The following FASTKD1 variants were observed in gnomAD, a reference collection of about 807,000 sequenced individuals.
FASTKD1 encodes the protein FAST kinase domains 1.
In FASTKD1, 94 loss-of-function variants were observed where a neutral mutation model predicts 90.9. The ratio of observed to expected loss-of-function variants is 1.03; its 90% confidence interval spans 0.88 to 1.23. The LOEUF is 1.23. Among genes scored for constraint, FASTKD1 ranks in the 50% most tolerant of loss-of-function variants. The probability of loss-of-function intolerance (pLI) is 0.00; values close to 1 mark genes in which losing one functional copy is unlikely to be tolerated. For missense variants in FASTKD1, 945 were observed against 993.5 expected, an observed-to-expected ratio of 0.95 and a Z score of 0.66; for synonymous variants, 319 against 345.8, an observed-to-expected ratio of 0.92 and a Z score of 0.86.
At chr2:169,562,581 T>C (rs537415734) in intron 4 of FASTKD1, among the ~76,000 whole-genome samples, 44 of 152,250 alleles carry the variant, frequency 2.9e-4, no homozygotes, top group Non-Finnish European at 5.1e-4. Context: ...CTTCATGATA[T>C]AATAATAATA....
At chr2:169,538,614 T>C (rs1684831553) in intron 10 of FASTKD1, among the ~76,000 whole-genome samples, 1 of 151,142 alleles carries the variant, frequency 6.6e-6, no homozygotes, top group African/African-American at 2.4e-5. Context: ...AGGTGGGGTT[T>C]TGGGTAACCA....
chr2:169,562,582 A>C (rs1413162948), intron 4 of FASTKD1, among the ~76,000 whole-genome samples: 1 of 152,108 alleles, frequency 6.6e-6, no homozygotes, highest in East Asian at 1.9e-4. Context: ...TTCATGATAT[A>C]ATAATAATAC....
At chr2:169,564,503 G>A (rs539141244) in intron 3 of FASTKD1, among the ~76,000 whole-genome samples, 1 of 152,098 alleles carries the variant, frequency 6.6e-6, no homozygotes, top group Non-Finnish European at 1.5e-5. Flanking sequence ...ATACAAGCAT[G>A]CAACGCAAAA....
chr2:169,560,933 T>G (rs1683567711), intron 4 of FASTKD1, 148 bp from the exon 5 acceptor site: 1 of 495,828 alleles, frequency 2.0e-6, no homozygotes, highest in East Asian at 4.1e-5. Flanking sequence ...TCCTCCCACC[T>G]CAGCCTCCCA....
chr2:169,531,486 A>G lies in FASTKD1; in HGVS notation c.2193T>C (p.Phe731=), dbSNP rs779196382. 6.2e-7 allele frequency: 1 copy of G among 1,602,098 alleles called. No homozygotes were observed. Among genetic ancestry groups the G allele is most frequent in the Admixed American group, 1.7e-5 (1 of 57,612 alleles). The change falls in exon 13 of 15, where the codon TTT becomes TTC. Residue 731 remains phenylalanine, a synonymous_variant. Transcript: ENST00000453153. ...VLTPYYHKVD[F]ECILDKRKKP... ...TTTTTCTTTTATCCAAGATACACTC[A>G]AAATCTTAAGGAAGCATAGAAACTG...
chr2:169,529,834 T>C lies in FASTKD1; in HGVS notation c.2535A>G (p.Ser845=). 6.2e-7 allele frequency: 1 copy of C among 1,608,180 alleles called. No individual in the cohort carries two copies. The change falls in exon 15 of 15, where the codon TCA becomes TCG. Residue 845 remains serine, a synonymous_variant. Coordinates refer to ENST00000453153, the MANE Select transcript of FASTKD1 (RefSeq NM_024622.6). ...LRECIFGEVK[S]CL Reference sequence around the variant, plus strand: ...TCATTTTAAATAAAAACTACAAACATGACTTGACTTCTCCAAATATACATT... The same window carrying C: ...TCATTTTAAATAAAAACTACAAACACGACTTGACTTCTCCAAATATACATT...
chr2:169,553,627 A>T (rs539443705), intron 7 of FASTKD1, among the ~76,000 whole-genome samples: 1 of 152,298 alleles, frequency 6.6e-6, no homozygotes, highest in Admixed American at 6.5e-5. Context: ...AAATCACAGT[A>T]AAAAATCAGG....
At chr2:169,531,046 G>T (rs1368288959) in intron 13 of FASTKD1, 1 of 672,748 alleles carries the variant, frequency 1.5e-6, no homozygotes, top group Non-Finnish European at 2.8e-6. Flanking sequence ...CTGTAATGCA[G>T]TGTAGGAAGT....
intron 13 of FASTKD1, 176 bp downstream of exon 13, chr2:169,531,176 G>A: frequency 1.3e-6 from 1 of 781,606 alleles, no homozygotes; most frequent in South Asian, 1.4e-5. Flanking sequence ...GCTTTGGACA[G>A]AAGAAGGGAG....
chr2:169,531,376 G>C lies in FASTKD1; in HGVS notation c.2303C>G (p.Ser768Ter), dbSNP rs34291832. The C allele has an allele frequency of 0.013, 21,279 of 1,612,938 alleles. 203 individuals carry two copies. The highest frequency in any genetic ancestry group is 0.016 in the Non-Finnish European group (19,234 of 1,179,262). Residue 768 changes from serine to a stop codon, truncating the protein, a stop_gained, in exon 13 of 15, where the codon TCA becomes TGA. Transcript: ENST00000453153. LOFTEE classifies it high-confidence loss of function. ...CCTTTCAGCCCCTGGTGGCAGCCTTGATCCAACTATTTCGATATTTGATTC... is the reference window on the plus strand; with the variant it reads ...CCTTTCAGCCCCTGGTGGCAGCCTTCATCCAACTATTTCGATATTTGATTC... The part of the protein sequence containing the change: ...PWESNIEIVG[S>*]RLPPGAERIA...
chr2:169,537,317 G>A lies in FASTKD1; in HGVS notation c.2098C>T (p.Gln700Ter). The A allele has an allele frequency of 6.2e-7, 1 of 1,610,258 alleles. No homozygotes were observed. ...NKGIGGMDGT[Q>*]QQIFKMLAEV... ...GCTAACATTTTAAAAATCTGCTGTT[G>A]TGTTCCATCCATGCCACCAATACCT... Residue 700 changes from glutamine to a stop codon, truncating the protein, a stop_gained, in exon 12 of 15, where the codon CAA becomes TAA. Transcript: ENST00000453153. LOFTEE classifies it high-confidence loss of function.
chr2:169,572,386 TAA>T (rs1684273447), intron 1 of FASTKD1, among the ~76,000 whole-genome samples: 1 of 151,686 alleles, frequency 6.6e-6, no homozygotes, highest in African/African-American at 2.4e-5. Flanking sequence ...GACATTTACA[TAA>T]AGTTTTCAAA....
intron 3 of FASTKD1, among the ~76,000 whole-genome samples, chr2:169,567,602 G>GTAGT (rs1684044771): frequency 6.6e-6 from 1 of 152,168 alleles, no homozygotes; most frequent in Non-Finnish European, 1.5e-5. Flanking sequence ...GGCCTACAGA[G>GTAGT]TTTACCAATA....
At chr2:169,562,034 A>ATTGTAAATTAATTATTT (rs1683698565) in intron 4 of FASTKD1, among the ~76,000 whole-genome samples, 1 of 132,018 alleles carries the variant, frequency 7.6e-6, no homozygotes, top group South Asian at 2.3e-4. Context: ...ATTATTTATT[A>ATTGTAAATTAATTATTT]ATTTATTGTA....
At chr2:169,536,572 A>G (rs1052373203) in intron 12 of FASTKD1, among the ~76,000 whole-genome samples, 6 of 152,192 alleles carry the variant, frequency 3.9e-5, no homozygotes, top group African/African-American at 1.4e-4. Context: ...CTGTATATGC[A>G]GAGGTTTTCT....
At chr2:169,565,545 A>G (rs1416545890) in intron 3 of FASTKD1, among the ~76,000 whole-genome samples, 1 of 152,166 alleles carries the variant, frequency 6.6e-6, no homozygotes, top group African/African-American at 2.4e-5. Flanking sequence ...TACAGGCGTG[A>G]GCCACCGCGC....
intron 9 of FASTKD1, among the ~76,000 whole-genome samples, chr2:169,542,051 C>G (rs1294123929): frequency 6.6e-6 from 1 of 152,148 alleles, no homozygotes; most frequent in Admixed American, 6.5e-5. Context: ...GTCCCTGAAT[C>G]CCTTATCCAA....
At position 169,560,442 on chromosome 2, in the gene FASTKD1, AG is replaced by A; in HGVS notation, c.915del (p.Phe306LeufsTer2). ...EMIPLCNHPA[S>X]FVKLFVALGP... ...CCCAATGCTACAAACAATTTTACAA[AG>A]CTAGCAGGATGATTACACAGAGGAA... On this transcript the variant is annotated frameshift_variant, in exon 5 of 15. Transcript: ENST00000453153. LOFTEE classifies it high-confidence loss of function. The A allele has an allele frequency of 1.9e-6, 3 of 1,578,488 alleles. No homozygotes were observed. Among genetic ancestry groups the A allele is most frequent in the Non-Finnish European group, 2.6e-6 (3 of 1,169,326 alleles).
At chr2:169,572,836 A>G (rs906544974) in intron 1 of FASTKD1, among the ~76,000 whole-genome samples, 3 of 152,178 alleles carry the variant, frequency 2.0e-5, no homozygotes, top group African/African-American at 7.2e-5. Flanking sequence ...AAAAAGAATA[A>G]TTTGTTTTAA....
Sources: allele counts gnomAD v4.1 joint callset (sites outside exome capture counted in the v4.1 genomes callset), GRCh38; gene constraint gnomAD v4.1.1; transcripts MANE v1.5; gene names NCBI Gene and HGNC (gene_info 2026-07-23, HGNC 2026-07-21).